Variants in PARVB observed in about 807,000 individuals in gnomAD.
PARVB encodes beta-parvin.
In PARVB, 46 loss-of-function variants were observed where a neutral mutation model predicts 47.0. The observed-to-expected ratio is 0.98, with a 90% CI of 0.77 to 1.25. The LOEUF (loss-of-function observed/expected upper bound fraction) is 1.25, where lower values mean the gene tolerates loss of function less well. Among genes scored for constraint, PARVB ranks in the 50% most tolerant of loss-of-function variants. The pLI, the probability that PARVB is intolerant of heterozygous loss-of-function variation, is 0.00. For synonymous variants in PARVB, 196 were observed against 196.3 expected, an observed-to-expected ratio of 1.00 and a Z score of 0.01; for missense variants, 473 against 471.6, an observed-to-expected ratio of 1.00 and a Z score of -0.03.
chr22:44,099,806 T>C (rs1454584259), intron 2 of PARVB, among the ~76,000 whole-genome samples: 1 of 152,176 alleles, frequency 6.6e-6, no homozygotes, highest in East Asian at 1.9e-4. Context: ...TTGGACCAGC[T>C]GCTGGCGGAG....
intron 1 of PARVB, among the ~76,000 whole-genome samples, chr22:44,071,066 C>A (rs573672826): frequency 6.6e-6 from 1 of 152,142 alleles, no homozygotes; most frequent in Non-Finnish European, 1.5e-5. Flanking sequence ...ATCACTCCAG[C>A]GACATTTCCC....
intron 10 of PARVB, chr22:44,152,453 G>A (rs573066103): frequency 6.6e-6 from 1 of 152,118 alleles, no homozygotes; most frequent in Non-Finnish European, 1.5e-5. Context: ...CAAAACACCT[G>A]AGTGGTGTTA....
At chr22:44,028,078 G>A (rs886976749) in intron 1 of PARVB, among the ~76,000 whole-genome samples, 2 of 152,028 alleles carry the variant, frequency 1.3e-5, no homozygotes, top group Admixed American at 6.6e-5. Context: ...CCCCCCGGCT[G>A]TGTGGTAGAG....
intron 12 of PARVB, among the ~76,000 whole-genome samples, chr22:44,166,989 C>T (rs995019788): frequency 6.6e-6 from 1 of 152,174 alleles, no homozygotes; most frequent in African/African-American, 2.4e-5. Flanking sequence ...TGTGGCCTCC[C>T]CTGCAGGCCT....
intron 4 of PARVB, among the ~76,000 whole-genome samples, chr22:44,122,047 T>C (rs1315229110): frequency 6.6e-6 from 1 of 152,274 alleles, no homozygotes; most frequent in Non-Finnish European, 1.5e-5. Context: ...TGAGTGGTCA[T>C]GTCATCCATT....
chr22:44,078,579 C>T (rs756233755), intron 1 of PARVB, among the ~76,000 whole-genome samples: 28 of 152,188 alleles, frequency 1.8e-4, no homozygotes, highest in Non-Finnish European at 3.5e-4. Flanking sequence ...TCTCCCACCC[C>T]AAGGTCCTTA....
intron 9 of PARVB, chr22:44,148,208 G>T (rs1008610835): frequency 2.4e-5 from 11 of 462,566 alleles, no homozygotes; most frequent in South Asian, 4.3e-5. Context: ...TTTTTTCAAT[G>T]TGGAAATGTT....
At chr22:44,001,728 A>C (rs2050414880) in intron 2 of PARVB, among the ~76,000 whole-genome samples, 1 of 152,214 alleles carries the variant, frequency 6.6e-6, no homozygotes, top group African/African-American at 2.4e-5. Context: ...CAAACACTTG[A>C]AGCTCACTTT....
intron 4 of PARVB, among the ~76,000 whole-genome samples, chr22:44,121,558 T>A (rs6006665): frequency 0.38 from 56,901 of 149,442 alleles, 11,351 homozygotes; most frequent in Middle Eastern, 0.54. Flanking sequence ...TGTCCTTTTT[T>A]AAAAAAAAAA....
At chr22:44,019,462 T>G (rs1210207334), upstream of PARVB, among the ~76,000 whole-genome samples, 1 of 152,206 alleles carries the variant, frequency 6.6e-6, no homozygotes, top group Non-Finnish European at 1.5e-5. Context: ...TCAGGTGGAC[T>G]GCTGGCCTCG....
chr22:44,093,539 C>T (rs1415727000), intron 1 of PARVB, among the ~76,000 whole-genome samples: 2 of 152,202 alleles, frequency 1.3e-5, no homozygotes, highest in South Asian at 4.1e-4. Context: ...GACGCAGCCC[C>T]CCGGCAGAGG....
chr22:44,007,995 G>C (rs923875119), intron 2 of PARVB, among the ~76,000 whole-genome samples: 1 of 152,160 alleles, frequency 6.6e-6, no homozygotes, highest in African/African-American at 2.4e-5. Context: ...GGCTGAGTCA[G>C]AATTTCATGT....
chr22:44,122,467 C>T (rs1225553812), intron 4 of PARVB, among the ~76,000 whole-genome samples: 1 of 141,008 alleles, frequency 7.1e-6, no homozygotes, highest in East Asian at 2.1e-4. Flanking sequence ...GCCTAGGCAA[C>T]AGAGTGAGAC....
chr22:44,154,209 T>C (rs2053869481), intron 10 of PARVB, among the ~76,000 whole-genome samples: 1 of 152,194 alleles, frequency 6.6e-6, no homozygotes, highest in African/African-American at 2.4e-5. Context: ...TCTTCATTTT[T>C]TTCCCCCCGA....
chr22:44,028,807 G>T (rs1458409750), intron 1 of PARVB, among the ~76,000 whole-genome samples: 1 of 152,174 alleles, frequency 6.6e-6, no homozygotes, highest in African/African-American at 2.4e-5. Context: ...GGTGGTGTCA[G>T]TGTTCTGGAT....
At chr22:44,096,157 GGAGGTTGCAGTGAGCC>G (rs2052302677) in intron 2 of PARVB, among the ~76,000 whole-genome samples, 2 of 152,186 alleles carry the variant, frequency 1.3e-5, no homozygotes, top group South Asian at 2.1e-4. Context: ...TCCAGGAGGC[GGAGGTTGCAGTGAGCC>G]GAGGTTGCAC....
At chr22:44,120,070 G>T (rs571974919) in intron 4 of PARVB, 72 of 355,096 alleles carry the variant, frequency 2.0e-4, no homozygotes, top group African/African-American at 1.5e-3. Flanking sequence ...GGGGACGTTG[G>T]GGCCCACAGT....
At chr22:44,011,032 G>C (rs926760427) in intron 2 of PARVB, among the ~76,000 whole-genome samples, 5 of 151,894 alleles carry the variant, frequency 3.3e-5, no homozygotes, top group Non-Finnish European at 5.9e-5. Context: ...CACTGTGTTA[G>C]CCAGGATGGT....
At chr22:44,082,691 A>G (rs903817296) in intron 1 of PARVB, among the ~76,000 whole-genome samples, 10 of 152,098 alleles carry the variant, frequency 6.6e-5, no homozygotes, top group Non-Finnish European at 1.0e-4. Flanking sequence ...TAGACGGCCA[A>G]CCTGACATTT....
Sources: allele counts gnomAD v4.1 joint callset (sites outside exome capture counted in the v4.1 genomes callset), GRCh38; gene constraint gnomAD v4.1.1; transcripts MANE v1.5; gene names NCBI Gene and HGNC (gene_info 2026-07-23, HGNC 2026-07-21).